The following PCDHGA7 variants were observed in gnomAD, a reference collection of about 807,000 sequenced individuals.
The protein encoded by PCDHGA7 is protocadherin gamma subfamily A, 7, also known as protocadherin gamma-A7.
In PCDHGA7, 44 loss-of-function variants were observed where a neutral mutation model predicts 58.3. That is an observed-to-expected ratio of 0.75 (90% CI 0.59 to 0.97). The LOEUF (loss-of-function observed/expected upper bound fraction) is 0.97. PCDHGA7 is among the 50% of genes least tolerant of loss of function. PCDHGA7 has a pLI of 0.00. For missense variants in PCDHGA7, 1,266 were observed against 1,188.7 expected, an observed-to-expected ratio of 1.06 and a Z score of -0.96; for synonymous variants, 516 against 504.2, an observed-to-expected ratio of 1.02 and a Z score of -0.31.
rs1197249074 is a variant in PCDHGA7 at position 141,438,579 on chromosome 5, CATACATACATACATATATAT to C, written c.2424+53260_2424+53279del. ...AAGAGGCAGCTGTCTGATATACATACATACATACATACATATATATATATATATATATATATATATATATA... is the reference window on the plus strand; with the variant it reads ...AAGAGGCAGCTGTCTGATATACATACATATATATATATATATATATATATA... On this transcript the variant is annotated intron_variant, in intron 1 of 3. Transcript: ENST00000518325. Among the ~76,000 whole-genome samples the C allele has an allele frequency of 5.3e-3, 298 of 55,734 alleles. 1 individual carries two copies. Among genetic ancestry groups the C allele is most frequent in the Admixed American group, 0.022 (77 of 3,542 alleles). The allele number at this position is 55,734 out of a possible 152,430, so 36.6% of individuals were successfully genotyped here.
intron 1 of PCDHGA7, chr5:141,388,093 C>T: frequency 7.3e-7 from 1 of 1,371,560 alleles, no homozygotes; most frequent in South Asian, 1.3e-5. Context: ...CGCGTCAGTT[C>T]GGAGAAGCCT....
intron 1 of PCDHGA7, 110 bp from the exon 2 acceptor site, chr5:141,494,697 T>C: frequency 6.3e-7 from 1 of 1,590,934 alleles, no homozygotes; most frequent in Non-Finnish European, 8.6e-7. Flanking sequence ...TAGTCCGTTT[T>C]CTTCTCTGTG....
At chr5:141,505,554 C>T in intron 3 of PCDHGA7, 73 bp downstream of exon 3, 1 of 1,606,130 alleles carries the variant, frequency 6.2e-7, no homozygotes, top group Non-Finnish European at 8.5e-7. Context: ...AGCCACCATG[C>T]CCACGGACTG....
chr5:141,423,150 G>A, intron 1 of PCDHGA7: 1 of 1,613,538 alleles, frequency 6.2e-7, no homozygotes, highest in Non-Finnish European at 8.5e-7. Flanking sequence ...CGCTCAAGCA[G>A]AGCCTCGTGG....
chr5:141,490,497 C>G lies in PCDHGA7; in HGVS notation c.2425-4310C>G. The stretch of plus-strand genomic sequence containing the variant: ...CTTTGGACCGGGAGGCCACATCCCA[C>G]TATATCATCGAGCTGCTGGCCAGCG... On this transcript the variant is annotated intron_variant, in intron 1 of 3. Transcript: ENST00000518325. The surrounding 1 kb of genome is among the most constrained non-coding windows in gnomAD (Gnocchi z 5.4). 6.2e-7 allele frequency: 1 copy of G among 1,614,196 alleles called. No individual in the cohort carries two copies. Among genetic ancestry groups the G allele is most frequent in the South Asian group, 1.1e-5 (1 of 91,084 alleles).
intron 1 of PCDHGA7, chr5:141,393,501 G>A (rs754946327): frequency 1.2e-6 from 2 of 1,614,044 alleles, no homozygotes; most frequent in Non-Finnish European, 1.7e-6. Flanking sequence ...GCGCATCCAC[G>A]TGACAGTGTT....
chr5:141,466,206 T>C (rs2099118813), intron 1 of PCDHGA7, among the ~76,000 whole-genome samples: 1 of 152,126 alleles, frequency 6.6e-6, no homozygotes, highest in Admixed American at 6.5e-5. Flanking sequence ...AGCCTTGCTC[T>C]GTTACCCAGG....
intron 1 of PCDHGA7, among the ~76,000 whole-genome samples, chr5:141,471,692 C>A (rs1293253544): frequency 6.6e-6 from 1 of 152,118 alleles, no homozygotes; most frequent in African/African-American, 2.4e-5. Context: ...TTCTGAAATT[C>A]TGGCTGGAAT....
At chr5:141,475,322 G>A (rs1352768659) in intron 1 of PCDHGA7, among the ~76,000 whole-genome samples, 1 of 152,204 alleles carries the variant, frequency 6.6e-6, no homozygotes, top group African/African-American at 2.4e-5. Flanking sequence ...CTTAAGAAAT[G>A]AGAGCTAACA....
chr5:141,426,643 T>C (rs1280631056), intron 1 of PCDHGA7: 1 of 411,758 alleles, frequency 2.4e-6, no homozygotes, highest in Non-Finnish European at 5.0e-6. Flanking sequence ...CACATAAATG[T>C]GATGATAGAA....
At chr5:141,390,865 T>C (rs982852872) in intron 1 of PCDHGA7, 3 of 151,096 alleles carry the variant, frequency 2.0e-5, no homozygotes, top group Non-Finnish European at 2.9e-5. Context: ...ACGCTGTGTG[T>C]GCGTGTGTGT....
At chr5:141,473,988 G>T (rs1006988447) in intron 1 of PCDHGA7, among the ~76,000 whole-genome samples, 2 of 152,118 alleles carry the variant, frequency 1.3e-5, no homozygotes, top group Middle Eastern at 3.2e-3. Context: ...AGGATCCCTT[G>T]AGCCCAAGGA....
chr5:141,489,151 AAG>A lies in PCDHGA7; in HGVS notation c.2425-5652_2425-5651del. ...TTTTTAAGAGGCTGGAAGGAGACAT[AAG>A]AGACTTCAGCTGCTGCATTCCAAGC... On this transcript the variant is annotated intron_variant, in intron 1 of 3. Coordinates refer to ENST00000518325, the MANE Select transcript of PCDHGA7 (RefSeq NM_018920.4). The surrounding 1 kb of genome is among the most constrained non-coding windows in gnomAD (Gnocchi z 4.5). The A allele has an allele frequency of 1.1e-6, 1 of 932,970 alleles. No homozygotes were observed. The highest frequency in any genetic ancestry group is 1.6e-6 in the Non-Finnish European group (1 of 622,054). 57.8% of individuals were successfully genotyped at this position (932,970 alleles called of 1,614,324 possible).
chr5:141,436,309 T>C (rs1228417864), intron 1 of PCDHGA7, among the ~76,000 whole-genome samples: 1 of 152,198 alleles, frequency 6.6e-6, no homozygotes, highest in Non-Finnish European at 1.5e-5. Flanking sequence ...AGAGCATGAA[T>C]AGTCAAGACT....
chr5:141,410,342 C>T (rs772070270), intron 1 of PCDHGA7: 12 of 1,613,946 alleles, frequency 7.4e-6, no homozygotes, highest in Non-Finnish European at 9.3e-6. Flanking sequence ...CATTGCCTTG[C>T]GCCTGCGACG....
intron 1 of PCDHGA7, among the ~76,000 whole-genome samples, chr5:141,484,821 G>A (rs1367529999): frequency 6.6e-6 from 1 of 152,122 alleles, no homozygotes; most frequent in Admixed American, 6.5e-5. Context: ...CGTTGAGCGG[G>A]AGGAAGGCGA....
At chr5:141,423,975 A>G in intron 1 of PCDHGA7, 2 of 1,126,024 alleles carry the variant, frequency 1.8e-6, no homozygotes, top group Non-Finnish European at 2.2e-6. Flanking sequence ...TTATCAGTGT[A>G]TGAGGCTCTC....
chr5:141,425,843 G>A (rs2096898027), intron 1 of PCDHGA7, among the ~76,000 whole-genome samples: 1 of 152,118 alleles, frequency 6.6e-6, no homozygotes, highest in African/African-American at 2.4e-5. Flanking sequence ...TCTCTTTGCT[G>A]GGTTAATGAC....
Position 141,486,563 on chromosome 5 carries a change from G to T in PCDHGA7, c.2425-8244G>T, listed in dbSNP as rs558244990. Reference sequence around the variant, plus strand: ...CTTTCAGAGGTCACATGAGGTGTTTGTTCCTGAGAACAATCGCCCAGGGGA... The same window carrying T: ...CTTTCAGAGGTCACATGAGGTGTTTTTTCCTGAGAACAATCGCCCAGGGGA... On this transcript the variant is annotated intron_variant, in intron 1 of 3. Transcript: ENST00000518325. The surrounding 1 kb of genome is among the most constrained non-coding windows in gnomAD (Gnocchi z 5.0). The T allele has an allele frequency of 4.3e-6, 7 of 1,614,006 alleles. No individual in the cohort carries two copies. The highest frequency in any genetic ancestry group is 4.0e-5 in the African/African-American group (3 of 75,054).
Sources: gnomAD v4.1 joint callset for allele counts (sites outside exome capture counted in the v4.1 genomes callset) on GRCh38, gnomAD v4.1.1 for gene constraint, Gnocchi (gnomAD v3.1) non-coding constraint, MANE v1.5 for transcripts, NCBI Gene and HGNC (gene_info 2026-07-23, HGNC 2026-07-21) for gene names.